The following ELL variants were observed in gnomAD, a reference collection of about 807,000 sequenced individuals.
The protein encoded by ELL is elongation factor for RNA polymerase II.
A neutral mutation model predicts 64.0 loss-of-function variants in ELL; 18 were observed. The observed-to-expected ratio is 0.28, with a 90% CI of 0.19 to 0.42. ELL has a LOEUF of 0.42. Among genes scored for constraint, ELL ranks in the 10% least tolerant of loss-of-function variants. The probability of loss-of-function intolerance (pLI) is 1.00; values close to 1 mark genes in which losing one functional copy is unlikely to be tolerated. For synonymous variants in ELL, 399 were observed against 376.2 expected (o/e 1.06, Z -0.70); for missense variants, 797 against 870.4 (o/e 0.92, Z 1.06).
At chr19:18,471,373 T>A (rs1568384991) in intron 2 of ELL, 3 of 448,224 alleles carry the variant, frequency 6.7e-6, no homozygotes, top group Admixed American at 4.8e-5. Context: ...ACTCATCTCT[T>A]AAAAAACAAA....
At chr19:18,451,099 G>A (rs1288159523) in intron 7 of ELL, 124 bp from the exon 8 acceptor site, 5 of 1,324,136 alleles carry the variant, frequency 3.8e-6, no homozygotes, top group Non-Finnish European at 3.9e-6. Context: ...ACATGGGGGC[G>A]CCCGAGCACC....
chr19:18,456,183 G>C (rs148552590), intron 6 of ELL, among the ~76,000 whole-genome samples: 1 of 152,152 alleles, frequency 6.6e-6, no homozygotes, highest in Non-Finnish European at 1.5e-5. Context: ...GTGTGCAGTA[G>C]GATAGGCCTT....
intron 1 of ELL, among the ~76,000 whole-genome samples, chr19:18,502,374 G>C (rs900730623): frequency 2.6e-5 from 4 of 152,134 alleles, no homozygotes; most frequent in African/African-American, 9.7e-5. Context: ...AGGCCAGGAG[G>C]GGAGGGAGGT....
At chr19:18,469,921 T>C (rs1975028472) in intron 2 of ELL, among the ~76,000 whole-genome samples, 1 of 152,132 alleles carries the variant, frequency 6.6e-6, no homozygotes, top group Non-Finnish European at 1.5e-5. Context: ...AGGAACACCA[T>C]CCAGGGGGCG....
intron 5 of ELL, among the ~76,000 whole-genome samples, chr19:18,460,096 T>C (rs1600442140): frequency 6.6e-6 from 1 of 152,054 alleles, no homozygotes; most frequent in Admixed American, 6.6e-5. Context: ...GTCCTAGAGG[T>C]GGACACCTTC....
intron 4 of ELL, among the ~76,000 whole-genome samples, chr19:18,463,492 A>C (rs1238665215): frequency 6.6e-6 from 1 of 151,524 alleles, no homozygotes; most frequent in African/African-American, 2.4e-5. Context: ...ACGCCACCAC[A>C]ACTGGCTAAT....
intron 2 of ELL, among the ~76,000 whole-genome samples, chr19:18,469,654 CT>C (rs1432555838): frequency 6.6e-6 from 1 of 152,224 alleles, no homozygotes; most frequent in Admixed American, 6.5e-5. Flanking sequence ...AACCTAAGCA[CT>C]AGTCCATGCT....
At chr19:18,470,152 A>C (rs192331708) in intron 2 of ELL, among the ~76,000 whole-genome samples, 2 of 152,380 alleles carry the variant, frequency 1.3e-5, no homozygotes, top group East Asian at 3.9e-4. Context: ...CCCTGTCTCT[A>C]GAAGGAGGTT....
Position 18,522,000 on chromosome 19 carries a change from T to C in ELL, c.56A>G (p.Asp19Gly). The C allele has an allele frequency of 6.2e-7, 1 of 1,611,104 alleles. No individual in the cohort carries two copies. Among genetic ancestry groups the C allele is most frequent in the Non-Finnish European group, 8.5e-7 (1 of 1,178,740 alleles). The change falls in exon 1 of 12, where the codon GAC (aspartate) becomes GGC (glycine). Residue 19 changes from aspartate to glycine, a missense_variant. Transcript: ENST00000262809. ...SYGLSCGRVS[D>G]GSKVSVFHVK... ...GTGGAACACCGACACCTTGCTGCCGTCGCTAACCCGCCCGCACGACAGCCC... is the reference window on the plus strand; with the variant it reads ...GTGGAACACCGACACCTTGCTGCCGCCGCTAACCCGCCCGCACGACAGCCC...
At chr19:18,518,990 A>G (rs1300809212) in intron 1 of ELL, among the ~76,000 whole-genome samples, 1 of 152,096 alleles carries the variant, frequency 6.6e-6, no homozygotes, top group Non-Finnish European at 1.5e-5. Flanking sequence ...TGCTCCTGGG[A>G]GCCACAGAGA....
At chr19:18,446,115 G>A in intron 10 of ELL, 194 bp downstream of exon 10, 1 of 678,610 alleles carries the variant, frequency 1.5e-6, no homozygotes, top group South Asian at 2.1e-5. Context: ...CTGCCTTCAA[G>A]GACTCCCACA....
chr19:18,444,572 G>C lies in ELL; in HGVS notation c.*180C>G. ...AGCAGGGACTGCTCAGGAAGCGCAG[G>C]GAGGGCCGAGGTGGGCTTGCAGCCA... On this transcript the variant is annotated 3_prime_UTR_variant, in exon 12 of 12. Transcript: ENST00000262809. 3.3e-6 allele frequency: 2 copies of C among 599,900 alleles called. No individual in the cohort carries two copies. The highest frequency in any genetic ancestry group is 5.7e-6 in the Non-Finnish European group (2 of 349,566). 37.2% of individuals were successfully genotyped at this position (599,900 alleles called of 1,614,324 possible).
intron 1 of ELL, among the ~76,000 whole-genome samples, chr19:18,513,653 TG>T (rs1442918571): frequency 6.6e-6 from 1 of 152,098 alleles, no homozygotes; most frequent in African/African-American, 2.4e-5. Context: ...GAGTTCAGGC[TG>T]GGCCCAGTGG....
At position 18,450,620 on chromosome 19, in the gene ELL, C is replaced by T. The variant is rs1400350049; in HGVS notation, c.1322G>A (p.Gly441Asp). ...TDCAQPSRPH[G>D]SPSRSKPKKK... ...CTTGGGCTTGCTGCGCGAGGGGCTG[C>T]CGTGTGGCCTGCTGGGCTGGGCACA... is the stretch of plus-strand genomic sequence containing the variant. Residue 441 changes from glycine to aspartate, a missense_variant, in exon 8 of 12, where the codon GGC becomes GAC. Gly to Asp is a moderately conservative substitution (Grantham distance 94, BLOSUM62 -1). Transcript: ENST00000262809. 6.2e-7 allele frequency: 1 copy of T among 1,610,046 alleles called. No homozygotes were observed. Among genetic ancestry groups the T allele is most frequent in the South Asian group, 1.1e-5 (1 of 90,734 alleles).
rs1039108882 is a variant in ELL, at chr19:18,449,776, T to A, written c.1465+701A>T. 2.0e-5 allele frequency among the ~76,000 whole-genome samples: 3 copies of A among 152,232 alleles called. No homozygotes were observed. In the East Asian group the frequency reaches 5.8e-4, roughly 29 times the overall value. ...TCGCACATGGTGGTGGAACAGCCGCTGCACGCTGGCCACTGCTTCTGCTGG... is the reference window on the plus strand; with the variant it reads ...TCGCACATGGTGGTGGAACAGCCGCAGCACGCTGGCCACTGCTTCTGCTGG... On this transcript the variant is annotated intron_variant, in intron 8 of 11. Transcript: ENST00000262809. The surrounding 1 kb of genome is among the most constrained non-coding windows in gnomAD (Gnocchi z 4.4).
rs570612518 is a variant in ELL at position 18,473,242 on chromosome 19, C to A, written c.136-360G>T. 7 of 553,562 alleles carry A rather than the reference C, an allele frequency of 1.3e-5. No individual in the cohort carries two copies. The African/African-American group carries it at 1.3e-4, about 10-fold the overall frequency. 34.3% of individuals were successfully genotyped at this position (553,562 alleles called of 1,614,324 possible). A position where few individuals can be genotyped will look rare whatever the true frequency, so the allele number is the denominator to read the frequency against. On this transcript the variant is annotated intron_variant, in intron 1 of 11. Transcript: ENST00000262809. ...TCCACCGGGAGAGAAGGGCAAGGCT[C>A]AAGGTGCTCACAGCCCTGCCAGGAA...
intron 1 of ELL, among the ~76,000 whole-genome samples, chr19:18,509,928 A>G (rs1213995008): frequency 6.6e-6 from 1 of 152,244 alleles, no homozygotes; most frequent in East Asian, 1.9e-4. Flanking sequence ...GGCTAAAAAT[A>G]GAGATTCTGC....
At chr19:18,463,483 C>T (rs1033372520) in intron 4 of ELL, among the ~76,000 whole-genome samples, 2 of 151,846 alleles carry the variant, frequency 1.3e-5, no homozygotes, top group South Asian at 2.1e-4. Context: ...TCCAGGCGCA[C>T]GCCACCACAA....
chr19:18,446,208 A>G, intron 10 of ELL, 101 bp downstream of exon 10: 1 of 1,051,832 alleles, frequency 9.5e-7, no homozygotes. Flanking sequence ...GGGAAGGGCC[A>G]GACTCTGGGG....
Sources: gnomAD v4.1 joint callset for allele counts (sites outside exome capture counted in the v4.1 genomes callset) on GRCh38, gnomAD v4.1.1 for gene constraint, Gnocchi (gnomAD v3.1) non-coding constraint, MANE v1.5 for transcripts, NCBI Gene and HGNC (gene_info 2026-07-23, HGNC 2026-07-21) for gene names.